Variants in WWOX observed in about 807,000 individuals in gnomAD.
WWOX encodes WW domain containing oxidoreductase.
Under a neutral mutation model 46.2 loss-of-function variants are expected in WWOX, and 69 were observed. The ratio of observed to expected loss-of-function variants is 1.49; its 90% CI spans 1.23 to 1.82. The LOEUF (loss-of-function observed/expected upper bound fraction) is 1.82. Ranked by LOEUF, WWOX falls within the 40% of genes most tolerant of loss-of-function variation. The pLI is 0.00. For synonymous variants in WWOX, 359 were observed against 202.6 expected, an observed-to-expected ratio of 1.77 and a Z score of -6.56; for missense variants, 919 against 542.6, an observed-to-expected ratio of 1.69 and a Z score of -6.89.
At position 78,815,200 on chromosome 16, in the gene WWOX, C is replaced by T. The variant is rs192711824; in HGVS notation, c.1056+382448C>T. Among the ~76,000 whole-genome samples the T allele has an allele frequency of 4.3e-3, 654 of 152,224 alleles. 5 individuals are homozygous for T. The highest frequency in any genetic ancestry group is 0.015 in the African/African-American group (618 of 41,530). On this transcript the variant is annotated intron_variant, in intron 8 of 8. Coordinates refer to ENST00000566780, the MANE Select transcript of WWOX (RefSeq NM_016373.4). ...ATTAACCAGGCATGGTGGCACACACCTGTAATCCCAGCTACTTGGGAGGTT... is the reference window on the plus strand; with the variant it reads ...ATTAACCAGGCATGGTGGCACACACTTGTAATCCCAGCTACTTGGGAGGTT...
chr16:79,102,175 T>C lies in WWOX; in HGVS notation c.1057-109433T>C, dbSNP rs78126955. On this transcript the variant is annotated intron_variant, in intron 8 of 8. Transcript: ENST00000566780. ...TAGTTTTTGAGGAATCAGTGAGAAATGTCATCTGAATGTCTCTTCTCAATC... is the reference window on the plus strand; with the variant it reads ...TAGTTTTTGAGGAATCAGTGAGAAACGTCATCTGAATGTCTCTTCTCAATC... Among the ~76,000 whole-genome samples the C allele has an allele frequency of 7.4e-3, 1,127 of 151,936 alleles. 12 individuals carry two copies. Among genetic ancestry groups the C allele is most frequent in the African/African-American group, 0.025 (1,045 of 41,456 alleles).
chr16:78,624,206 CTTT>C (rs201758464), intron 8 of WWOX, among the ~76,000 whole-genome samples: 5 of 134,798 alleles, frequency 3.7e-5, no homozygotes, highest in African/African-American at 5.5e-5. Context: ...ATTTTCTAAT[CTTT>C]TTTTTTTTTT....
intron 6 of WWOX, among the ~76,000 whole-genome samples, chr16:78,416,379 AAGTC>A (rs2082797895): frequency 6.6e-6 from 1 of 152,332 alleles, no homozygotes; most frequent in East Asian, 1.9e-4. Flanking sequence ...AATTAAAACA[AAGTC>A]AAGCACTTTA....
intron 5 of WWOX, among the ~76,000 whole-genome samples, chr16:78,322,620 T>C (rs893895022): frequency 3.3e-5 from 5 of 152,230 alleles, no homozygotes; most frequent in African/African-American, 1.2e-4. Context: ...TTAAATCTTC[T>C]GAAGCAACTC....
intron 8 of WWOX, among the ~76,000 whole-genome samples, chr16:79,051,592 A>C (rs2550685): frequency 0.42 from 63,062 of 148,424 alleles, 14,109 homozygotes; most frequent in African/African-American, 0.55. Context: ...AGGGAGCGTC[A>C]ACATTAGTGA....
At chr16:78,691,279 T>G (rs141856993) in intron 8 of WWOX, 11,187 of 702,030 alleles carry the variant, frequency 0.016, 141 homozygotes, top group South Asian at 0.035. Flanking sequence ...CACTTCTGAT[T>G]GTCAGTGACT....
chr16:79,116,765 T>C (rs553513533), intron 8 of WWOX, among the ~76,000 whole-genome samples: 16 of 152,096 alleles, frequency 1.1e-4, no homozygotes, highest in African/African-American at 3.9e-4. Flanking sequence ...TCCTTTGCCA[T>C]GAATCACGAA....
At chr16:79,130,903 G>A (rs972203708) in intron 8 of WWOX, among the ~76,000 whole-genome samples, 1 of 152,192 alleles carries the variant, frequency 6.6e-6, no homozygotes, top group Non-Finnish European at 1.5e-5. Context: ...AATAGAAAAG[G>A]GGGAAATGGC....
chr16:79,195,706 G>C (rs920003153), intron 8 of WWOX, among the ~76,000 whole-genome samples: 6 of 152,232 alleles, frequency 3.9e-5, no homozygotes, highest in African/African-American at 1.4e-4. Context: ...TCCTTGTGAA[G>C]GAATGGCAAT....
chr16:78,969,027 G>T lies in WWOX; in HGVS notation c.1057-242581G>T, dbSNP rs138475068. ...TGGACTGCCTGGAACCCGGGGAGTG[G>T]CTCAGCTACCAGGCTCCAGTGGCCC... is the stretch of plus-strand genomic sequence containing the variant. On this transcript the variant is annotated intron_variant, in intron 8 of 8. Transcript: ENST00000566780. 3.6e-3 allele frequency among the ~76,000 whole-genome samples: 544 copies of T among 152,188 alleles called. 1 individual carries two copies. Among genetic ancestry groups the T allele is most frequent in the African/African-American group, 0.012 (483 of 41,528 alleles).
intron 4 of WWOX, among the ~76,000 whole-genome samples, chr16:78,130,632 C>G (rs1357975541): frequency 6.6e-6 from 1 of 152,228 alleles, no homozygotes; most frequent in Non-Finnish European, 1.5e-5. Context: ...CTGCCTGCTT[C>G]CTGTAGAGGC....
intron 8 of WWOX, among the ~76,000 whole-genome samples, chr16:78,679,348 C>G (rs574629603): frequency 2.0e-5 from 3 of 152,066 alleles, no homozygotes; most frequent in Admixed American, 6.6e-5. Context: ...GTCAGGAGTT[C>G]GAGACCAGCT....
chr16:78,535,613 C>T (rs1453850947), intron 8 of WWOX: 1 of 152,192 alleles, frequency 6.6e-6, no homozygotes, highest in Non-Finnish European at 1.5e-5. Context: ...GAAGGCCTCC[C>T]TTGGCTGATA....
chr16:78,255,992 A>T (rs1017488285), intron 5 of WWOX, among the ~76,000 whole-genome samples: 41 of 151,976 alleles, frequency 2.7e-4, no homozygotes, highest in African/African-American at 9.9e-4. Context: ...TCTATTAAAA[A>T]TACATAAATT....
At chr16:78,467,267 A>G (rs930120733) in intron 8 of WWOX, among the ~76,000 whole-genome samples, 2 of 152,138 alleles carry the variant, frequency 1.3e-5, no homozygotes, top group African/African-American at 4.8e-5. Context: ...TGTTAATTAG[A>G]TATGCATGTA....
chr16:78,882,748 T>A (rs2044370131), intron 8 of WWOX, among the ~76,000 whole-genome samples: 1 of 151,634 alleles, frequency 6.6e-6, no homozygotes, highest in African/African-American at 2.4e-5. Context: ...TTCAGCCTCT[T>A]AAAATTCTGG....
At chr16:78,470,955 A>C (rs1002285619) in intron 8 of WWOX, among the ~76,000 whole-genome samples, 13 of 152,196 alleles carry the variant, frequency 8.5e-5, no homozygotes, top group Non-Finnish European at 1.8e-4. Flanking sequence ...GCTGTATGAC[A>C]GATTCTAGCC....
intron 8 of WWOX, among the ~76,000 whole-genome samples, chr16:78,795,029 A>T (rs2050701110): frequency 6.6e-6 from 1 of 152,186 alleles, no homozygotes; most frequent in Non-Finnish European, 1.5e-5. Flanking sequence ...CTGATCTTTG[A>T]GCTGGCGATT....
At chr16:78,376,462 T>C (rs2081828615) in intron 5 of WWOX, among the ~76,000 whole-genome samples, 2 of 152,188 alleles carry the variant, frequency 1.3e-5, no homozygotes, top group Admixed American at 1.3e-4. Context: ...GTTTTCACTT[T>C]ATATGTTATC....
Sources: gnomAD v4.1 joint callset for allele counts (sites outside exome capture counted in the v4.1 genomes callset) on GRCh38, gnomAD v4.1.1 for gene constraint, MANE v1.5 for transcripts, NCBI Gene and HGNC (gene_info 2026-07-23, HGNC 2026-07-21) for gene names.